The following LUZP4 variants were observed in gnomAD, a reference collection of about 807,000 sequenced individuals.
LUZP4 encodes the protein HOM-TES-85 tumor antigen.
A neutral mutation model predicts 8.5 loss-of-function variants in LUZP4; 11 were observed. The observed-to-expected ratio is 1.30, with a 90% CI of 0.82 to 2.14. The LOEUF is 2.14. Ranked by LOEUF, LUZP4 falls within the 30% of genes most tolerant of loss-of-function variation. LUZP4 has a pLI of 0.00. For synonymous variants in LUZP4, 104 were observed against 79.4 expected (o/e 1.31, Z -1.65); for missense variants, 276 against 229.7 (o/e 1.20, Z -1.30).
At chrX:115,300,208 G>A (rs1368023671) in intron 1 of LUZP4, among the ~76,000 whole-genome samples, 1 of 111,610 alleles carries the variant, frequency 9.0e-6, no homozygotes, top group African/African-American at 3.3e-5. Flanking sequence ...GTCTCAGTAT[G>A]TCATGTGGCC....
chrX:115,290,959 T>TTTTTG (rs782042790), intron 1 of LUZP4, among the ~76,000 whole-genome samples: 8 of 110,969 alleles, frequency 7.2e-5, no homozygotes, highest in East Asian at 5.7e-4. Context: ...GGTTTTTGTT[T>TTTTTG]TTTTGTTTTG....
intron 1 of LUZP4, among the ~76,000 whole-genome samples, chrX:115,299,463 T>C (rs1188892556): frequency 9.0e-6 from 1 of 111,370 alleles, no homozygotes; most frequent in Non-Finnish European, 1.9e-5. Context: ...GAAGTCTACC[T>C]GGTGTTCTAT....
In LUZP4 at chrX:115,306,889, T is replaced by C. The variant is rs1313420191; in HGVS notation, c.*85T>C. The C allele has an allele frequency of 3.4e-6, 3 of 884,760 alleles. No homozygotes were observed. Among genetic ancestry groups the C allele is most frequent in the Non-Finnish European group, 4.8e-6 (3 of 623,269 alleles). 72.9% of individuals were successfully genotyped at this position (884,760 alleles called of 1,213,427 possible). On this transcript the variant is annotated 3_prime_UTR_variant, in exon 4 of 4. Coordinates refer to ENST00000371920, the MANE Select transcript of LUZP4 (RefSeq NM_016383.5). The stretch of plus-strand genomic sequence containing the variant: ...GGCTAAATATGTATTTGTTGAAACA[T>C]GTATATTGGGACAAAGACATAAATA...
chrX:115,300,812 T>C (rs1469597267), intron 1 of LUZP4, among the ~76,000 whole-genome samples: 3 of 111,602 alleles, frequency 2.7e-5, no homozygotes, highest in African/African-American at 3.3e-5. Flanking sequence ...AAGGGTGACA[T>C]TGGCGATTCA....
At chrX:115,306,054 A>C in intron 3 of LUZP4, 151 bp from the exon 4 acceptor site, 1 of 529,965 alleles carries the variant, frequency 1.9e-6, no homozygotes, top group Non-Finnish European at 3.0e-6. Context: ...TCTGTAAGTT[A>C]GTTCTAAAAA....
chrX:115,298,340 T>C (rs1014965705), intron 1 of LUZP4, among the ~76,000 whole-genome samples: 2 of 112,711 alleles, frequency 1.8e-5, no homozygotes, highest in African/African-American at 6.4e-5. Flanking sequence ...ATGCTGGGAA[T>C]ACAGGCGTAA....
At chrX:115,300,596 C>T (rs1263110264) in intron 1 of LUZP4, among the ~76,000 whole-genome samples, 1 of 111,643 alleles carries the variant, frequency 9.0e-6, no homozygotes, top group Non-Finnish European at 1.9e-5. Context: ...CATGTTCGGG[C>T]TGCCGGGATG....
At chrX:115,297,878 G>A (rs782269869) in intron 1 of LUZP4, among the ~76,000 whole-genome samples, 47 of 108,379 alleles carry the variant, frequency 4.3e-4, no homozygotes, top group African/African-American at 1.4e-3. Flanking sequence ...GCGTAATCTC[G>A]GCTCACTGCA....
At chrX:115,291,826 G>A (rs1174235757) in intron 1 of LUZP4, among the ~76,000 whole-genome samples, 2 of 111,158 alleles carry the variant, frequency 1.8e-5, no homozygotes, top group African/African-American at 6.6e-5. Context: ...GGAGGCTGAG[G>A]CAGGAGAATT....
intron 1 of LUZP4, among the ~76,000 whole-genome samples, chrX:115,301,760 A>G (rs971287151): frequency 2.7e-5 from 3 of 112,365 alleles, no homozygotes; most frequent in Non-Finnish European, 5.6e-5. Context: ...TTGCATAAAT[A>G]AAGTTACCAT....
In LUZP4 at chrX:115,306,364, A is replaced by G; in HGVS notation, c.502A>G (p.Arg168Gly). Residue 168 changes from arginine to glycine, a missense_variant, in exon 4 of 4, where the codon AGA becomes GGA. Physicochemically the swap from Arg to Gly is moderately radical, Grantham distance 125 (BLOSUM62 -2). Coordinates refer to ENST00000371920, the MANE Select transcript of LUZP4 (RefSeq NM_016383.5). The part of the protein sequence containing the change: ...HSERSRNHLE[R>G]SLSQSDRSQG... ...TGAGCGATCCCGAAACCACTTAGAGAGATCTCTTTCTCAGTCAGACAGATC... is the reference window on the plus strand; with the variant it reads ...TGAGCGATCCCGAAACCACTTAGAGGGATCTCTTTCTCAGTCAGACAGATC... 1 of 1,211,511 alleles carries G rather than the reference A, an allele frequency of 8.3e-7. No homozygotes were observed. Among genetic ancestry groups the G allele is most frequent in the Non-Finnish European group, 1.1e-6 (1 of 895,417 alleles).
intron 1 of LUZP4, among the ~76,000 whole-genome samples, chrX:115,293,696 A>C (rs1393330041): frequency 9.0e-6 from 1 of 110,958 alleles, no homozygotes; most frequent in Non-Finnish European, 1.9e-5. Flanking sequence ...CACACCTATA[A>C]TCCCAGCTCT....
chrX:115,297,195 A>C (rs1157482103), intron 1 of LUZP4, among the ~76,000 whole-genome samples: 1 of 111,563 alleles, frequency 9.0e-6, no homozygotes, highest in Non-Finnish European at 1.9e-5. Context: ...CATTCTTTCT[A>C]TTTATATTTT....
chrX:115,306,726 A>G lies in LUZP4; in HGVS notation c.864A>G (p.Ile288Met), dbSNP rs782337197. Residue 288 changes from isoleucine (I) to methionine (M), a missense_variant, in exon 4 of 4, where the codon ATA becomes ATG. Physicochemically the swap from Ile to Met is conservative, Grantham distance 10 (BLOSUM62 1). Transcript: ENST00000371920. ...RDLVATERDLINQSGRSHGQS... is the reference protein window; with the variant it reads ...RDLVATERDLMNQSGRSHGQS... Reference sequence around the variant, plus strand: ...TCGTGGCCACTGAGAGAGATCTCATAAATCAGTCAGGGAGATCTCATGGCC... The same window carrying G: ...TCGTGGCCACTGAGAGAGATCTCATGAATCAGTCAGGGAGATCTCATGGCC... 2.5e-6 allele frequency: 3 copies of G among 1,192,477 alleles called. No homozygotes were observed. Among genetic ancestry groups the G allele is most frequent in the Admixed American group, 4.4e-5 (2 of 45,718 alleles).
In LUZP4 at chrX:115,306,891, T is replaced by A; in HGVS notation, c.*87T>A. ...CTAAATATGTATTTGTTGAAACATG[T>A]ATATTGGGACAAAGACATAAATATT... On this transcript the variant is annotated 3_prime_UTR_variant, in exon 4 of 4. Coordinates refer to ENST00000371920, the MANE Select transcript of LUZP4 (RefSeq NM_016383.5). 1.2e-6 allele frequency: 1 copy of A among 865,655 alleles called. No individual in the cohort carries two copies. The highest frequency in any genetic ancestry group is 1.7e-6 in the Non-Finnish European group (1 of 605,403). The allele number at this position is 865,655 out of a possible 1,213,427, so 71.3% of individuals were successfully genotyped here.
intron 1 of LUZP4, among the ~76,000 whole-genome samples, chrX:115,298,421 A>G (rs1290150613): frequency 8.9e-6 from 1 of 112,456 alleles, no homozygotes; most frequent in African/African-American, 3.2e-5. Flanking sequence ...TTTACAGCCA[A>G]TAACTCTTAG....
intron 1 of LUZP4, among the ~76,000 whole-genome samples, chrX:115,290,431 CG>C (rs1305312746): frequency 1.8e-5 from 2 of 111,364 alleles, no homozygotes; most frequent in Non-Finnish European, 3.8e-5. Context: ...GGTGGTTATT[CG>C]CTCTGGATAG....
intron 1 of LUZP4, among the ~76,000 whole-genome samples, chrX:115,296,246 A>C (rs1164450313): frequency 8.9e-6 from 1 of 112,149 alleles, no homozygotes; most frequent in Non-Finnish European, 1.9e-5. Flanking sequence ...ATAAAAATGT[A>C]ATTATTCATA....
At chrX:115,293,477 C>A (rs1556597730) in intron 1 of LUZP4, among the ~76,000 whole-genome samples, 1 of 110,040 alleles carries the variant, frequency 9.1e-6, no homozygotes, top group Admixed American at 9.7e-5. Flanking sequence ...CGGGTTCTCA[C>A]TATATTGCCT....
Sources: gnomAD v4.1 joint callset for allele counts (sites outside exome capture counted in the v4.1 genomes callset) on GRCh38, gnomAD v4.1.1 for gene constraint, MANE v1.5 for transcripts, NCBI Gene and HGNC (gene_info 2026-07-23, HGNC 2026-07-21) for gene names.